Variants in ADAM17 observed in about 807,000 individuals in gnomAD.
The protein encoded by ADAM17 is disintegrin and metalloproteinase domain-containing protein 17.
ADAM17 carries 39 observed loss-of-function variants against 96.7 expected under a neutral mutation model. The observed-to-expected ratio is 0.40, with a 90% CI of 0.31 to 0.53. ADAM17 has a LOEUF of 0.53. ADAM17 is among the 20% of genes least tolerant of loss of function. The probability of loss-of-function intolerance (pLI) is 0.44; values close to 1 mark genes in which losing one functional copy is unlikely to be tolerated. For synonymous variants in ADAM17, 344 were observed against 359.2 expected, an observed-to-expected ratio of 0.96 and a Z score of 0.48; for missense variants, 777 against 1,013.2, an observed-to-expected ratio of 0.77 and a Z score of 3.17.
intron 1 of ADAM17, among the ~76,000 whole-genome samples, chr2:9,555,249 G>A (rs1665703861): frequency 1.3e-5 from 2 of 152,174 alleles, no homozygotes; most frequent in South Asian, 4.2e-4. Flanking sequence ...CGAACACAAA[G>A]CTAGGGAGCA....
intron 2 of ADAM17, among the ~76,000 whole-genome samples, chr2:9,539,264 C>T (rs1004766931): frequency 3.3e-5 from 5 of 152,098 alleles, no homozygotes; most frequent in South Asian, 4.2e-4. Flanking sequence ...CCTGCTACCA[C>T]GCCTGGCTAA....
chr2:9,545,888 G>C (rs1436988728), intron 1 of ADAM17, among the ~76,000 whole-genome samples: 2 of 151,852 alleles, frequency 1.3e-5, no homozygotes, highest in African/African-American at 2.4e-5. Flanking sequence ...GACCCAAGGA[G>C]TTCGAGACCA....
chr2:9,492,421 TA>T (rs894817500), intron 17 of ADAM17, among the ~76,000 whole-genome samples: 1 of 152,234 alleles, frequency 6.6e-6, no homozygotes, highest in Non-Finnish European at 1.5e-5. Context: ...GGGGAAGATG[TA>T]AATACTCTAT....
chr2:9,493,078 C>A lies in ADAM17; in HGVS notation c.1994-92G>T, dbSNP rs1454302604. 64 of 1,058,288 alleles carry A rather than the reference C, an allele frequency of 6.0e-5. No homozygotes were observed. In the East Asian group the frequency reaches 1.8e-3, roughly 29 times the overall value. The allele number at this position is 1,058,288 out of a possible 1,614,324, so 65.6% of individuals were successfully genotyped here. Reference sequence around the variant, plus strand: ...TAGGATATTACCATTGTGTCAAATGCCAGAGCTGCTGGCTAGACATACTAC... The same window carrying A: ...TAGGATATTACCATTGTGTCAAATGACAGAGCTGCTGGCTAGACATACTAC... On this transcript the variant is annotated intron_variant, in intron 16 of 18. Coordinates refer to ENST00000310823, the MANE Select transcript of ADAM17 (RefSeq NM_003183.6).
intron 4 of ADAM17, among the ~76,000 whole-genome samples, chr2:9,534,914 T>C (rs544887606): frequency 6.6e-6 from 1 of 152,380 alleles, no homozygotes; most frequent in African/African-American, 2.4e-5. Context: ...GCATTTATAA[T>C]ATTAGTTCCT....
intron 1 of ADAM17, among the ~76,000 whole-genome samples, chr2:9,552,006 T>C (rs752394789): frequency 1.3e-5 from 2 of 152,198 alleles, no homozygotes; most frequent in Non-Finnish European, 2.9e-5. Flanking sequence ...TTAGGGGTAA[T>C]GTGTGCTGTC....
chr2:9,533,057 C>T (rs2125031984), intron 4 of ADAM17, among the ~76,000 whole-genome samples: 1 of 151,902 alleles, frequency 6.6e-6, no homozygotes, highest in African/African-American at 2.4e-5. Context: ...GGCATGGTGG[C>T]ACACGCCTGT....
At chr2:9,500,638 G>C (rs368864571) in intron 13 of ADAM17, among the ~76,000 whole-genome samples, 1 of 152,112 alleles carries the variant, frequency 6.6e-6, no homozygotes, top group East Asian at 1.9e-4. Context: ...GAATGGGACA[G>C]ATAGATATAT....
intron 10 of ADAM17, among the ~76,000 whole-genome samples, chr2:9,510,459 T>A (rs1432751901): frequency 6.7e-6 from 1 of 149,812 alleles, no homozygotes; most frequent in Non-Finnish European, 1.5e-5. Flanking sequence ...AGGTCAGGAG[T>A]TCGAGACCAG....
chr2:9,488,629 T>C lies in ADAM17; in HGVS notation c.*1548A>G, dbSNP rs1661783258. On this transcript the variant is annotated 3_prime_UTR_variant, in exon 19 of 19. Transcript: ENST00000310823. ...ATAAAAATGGTTTTTCTTACATTCTTTTGAGAACTGTTTCACTCATACATA... is the reference window on the plus strand; with the variant it reads ...ATAAAAATGGTTTTTCTTACATTCTCTTGAGAACTGTTTCACTCATACATA... The C allele has an allele frequency of 4.7e-6, 1 of 213,744 alleles. No individual in the cohort carries two copies. Among genetic ancestry groups the C allele is most frequent in the Non-Finnish European group, 9.2e-6 (1 of 108,902 alleles). 13.2% of individuals were successfully genotyped at this position (213,744 alleles called of 1,614,324 possible).
At chr2:9,553,426 C>T (rs2125047962) in intron 1 of ADAM17, among the ~76,000 whole-genome samples, 1 of 151,116 alleles carries the variant, frequency 6.6e-6, no homozygotes, top group East Asian at 1.9e-4. Flanking sequence ...TTAATCCCAG[C>T]ACTTTGGGAG....
intron 13 of ADAM17, among the ~76,000 whole-genome samples, chr2:9,497,905 A>G (rs1424738642): frequency 6.6e-6 from 1 of 151,942 alleles, no homozygotes; most frequent in Non-Finnish European, 1.5e-5. Context: ...ATTTAATGTT[A>G]TTTTCTGTTT....
At chr2:9,496,160 G>T (rs540026896) in intron 14 of ADAM17, among the ~76,000 whole-genome samples, 38 of 151,304 alleles carry the variant, frequency 2.5e-4, no homozygotes, top group African/African-American at 9.2e-4. Context: ...ATGGAGTCTC[G>T]CTCTGTTGCC....
At chr2:9,492,794 C>T in intron 17 of ADAM17, 104 bp downstream of exon 17, 1 of 959,840 alleles carries the variant, frequency 1.0e-6, no homozygotes, top group Non-Finnish European at 1.5e-6. Flanking sequence ...AAATATCAGG[C>T]CAAACTTTGC....
chr2:9,502,417 C>CATCT (rs1230484043), intron 12 of ADAM17, 141 bp from the exon 13 acceptor site: 1 of 676,790 alleles, frequency 1.5e-6, no homozygotes, highest in Non-Finnish European at 2.5e-6. Flanking sequence ...CATCATCAGA[C>CATCT]ATCTCCGCTG....
At chr2:9,545,479 A>C (rs1008753389) in intron 1 of ADAM17, among the ~76,000 whole-genome samples, 3 of 152,168 alleles carry the variant, frequency 2.0e-5, no homozygotes, top group African/African-American at 7.2e-5. Flanking sequence ...CTGAGGCAAG[A>C]GAACTGCTTG....
intron 1 of ADAM17, among the ~76,000 whole-genome samples, chr2:9,547,528 A>G (rs138976109): frequency 4.3e-4 from 65 of 152,332 alleles, no homozygotes; most frequent in African/African-American, 1.5e-3. Context: ...GAGAAGGAAA[A>G]GAAAGGAGAG....
In ADAM17 at chr2:9,551,031, C is replaced by T. The variant is rs535387017; in HGVS notation, c.97+4478G>A. 6.0e-5 allele frequency among the ~76,000 whole-genome samples: 9 copies of T among 150,976 alleles called. No homozygotes were observed. The South Asian group carries it at 1.3e-3, about 21-fold the overall frequency. ...TGGAGGTTGCAGTAAGCCAAGATTG[C>T]GCCACTGCGCTCCAGCCTGGGTGAC... On this transcript the variant is annotated intron_variant, in intron 1 of 18. Transcript: ENST00000310823.
intron 1 of ADAM17, among the ~76,000 whole-genome samples, chr2:9,549,232 G>A (rs941234915): frequency 2.0e-4 from 31 of 152,038 alleles, no homozygotes; most frequent in African/African-American, 6.3e-4. Context: ...TTAGCCAGGC[G>A]CGGTGGCAGG....
Sources: gnomAD v4.1 joint callset for allele counts (sites outside exome capture counted in the v4.1 genomes callset) on GRCh38, gnomAD v4.1.1 for gene constraint, MANE v1.5 for transcripts, NCBI Gene and HGNC (gene_info 2026-07-23, HGNC 2026-07-21) for gene names.